The following CSGALNACT1 variants were observed in gnomAD, a reference collection of about 807,000 sequenced individuals.
CSGALNACT1 encodes chondroitin sulfate N-acetylgalactosaminyltransferase 1.
A neutral mutation model predicts 51.0 loss-of-function variants in CSGALNACT1; 52 were observed. The ratio of observed to expected loss-of-function variants is 1.02; its 90% CI spans 0.82 to 1.29. The LOEUF (loss-of-function observed/expected upper bound fraction) is 1.29, where lower values mean the gene tolerates loss of function less well. Ranked by LOEUF, CSGALNACT1 falls within the 50% of genes most tolerant of loss-of-function variation. The pLI, the probability that CSGALNACT1 is intolerant of heterozygous loss-of-function variation, is 0.00. For missense variants in CSGALNACT1, 935 were observed against 679.2 expected, an observed-to-expected ratio of 1.38 and a Z score of -4.19; for synonymous variants, 341 against 254.4, an observed-to-expected ratio of 1.34 and a Z score of -3.24.
intron 1 of CSGALNACT1, among the ~76,000 whole-genome samples, chr8:19,658,367 A>T (rs977583101): frequency 6.6e-6 from 1 of 152,206 alleles, no homozygotes; most frequent in African/African-American, 2.4e-5. Flanking sequence ...ATAATTTATT[A>T]TTTCACCAAC....
At chr8:19,677,410 C>T (rs1052246634) in intron 1 of CSGALNACT1, among the ~76,000 whole-genome samples, 6 of 152,186 alleles carry the variant, frequency 3.9e-5, no homozygotes, top group South Asian at 4.2e-4. Context: ...CATGCCCAGC[C>T]GCGAGTACAT....
rs117436025 is a variant in CSGALNACT1 at position 19,574,632 on chromosome 8, T to C, written c.-297+16528A>G. The stretch of plus-strand genomic sequence containing the variant: ...TGCCTGAGGTTCAGGAGTCCGACCC[T>C]GGCAGTGCCCTCCAGCCCTGTACAC... On this transcript the variant is annotated intron_variant, in intron 3 of 9. Transcript: ENST00000454498. Among the ~76,000 whole-genome samples, 85 of 152,264 alleles carry C rather than the reference T, an allele frequency of 5.6e-4. 1 individual carries two copies. In the East Asian group the frequency reaches 0.016, roughly 29 times the overall value.
At chr8:19,647,049 G>C (rs1045123576) in intron 1 of CSGALNACT1, among the ~76,000 whole-genome samples, 1 of 152,048 alleles carries the variant, frequency 6.6e-6, no homozygotes, top group Non-Finnish European at 1.5e-5. Context: ...TGTAAGCCTA[G>C]TGGTCCCCTA....
At chr8:19,662,074 AC>A (rs1159242984) in intron 1 of CSGALNACT1, among the ~76,000 whole-genome samples, 461 of 34,998 alleles carry the variant, frequency 0.013, 4 homozygotes, top group South Asian at 0.035. Flanking sequence ...ACCCCCCCCC[AC>A]CCCCCCCCCC....
At chr8:19,625,824 T>C (rs576239942) in intron 1 of CSGALNACT1, among the ~76,000 whole-genome samples, 91 of 152,300 alleles carry the variant, frequency 6.0e-4, no homozygotes, top group African/African-American at 1.8e-3. Context: ...AGCCAGTTAG[T>C]TTCCTGGGTA....
chr8:19,559,806 G>T (rs945863080), intron 3 of CSGALNACT1, among the ~76,000 whole-genome samples: 3 of 152,204 alleles, frequency 2.0e-5, no homozygotes, highest in Non-Finnish European at 2.9e-5. Flanking sequence ...TTGTAAAGAT[G>T]TTGGTTCTCT....
At chr8:19,515,753 CT>C (rs2079400450) in intron 3 of CSGALNACT1, among the ~76,000 whole-genome samples, 1 of 151,946 alleles carries the variant, frequency 6.6e-6, no homozygotes. Context: ...TGCTGGCAAA[CT>C]TTTAGAGAGG....
intron 4 of CSGALNACT1, among the ~76,000 whole-genome samples, chr8:19,501,941 C>G (rs945624192): frequency 6.6e-6 from 1 of 152,098 alleles, no homozygotes; most frequent in Non-Finnish European, 1.5e-5. Context: ...GAATCCAACA[C>G]AAAAATCAGT....
intron 3 of CSGALNACT1, among the ~76,000 whole-genome samples, chr8:19,519,784 T>C (rs369634957): frequency 5.3e-5 from 8 of 152,128 alleles, no homozygotes; most frequent in African/African-American, 1.2e-4. Flanking sequence ...TATGCTCCCT[T>C]CTCCCAGGGG....
At chr8:19,576,716 T>C (rs1337389701) in intron 3 of CSGALNACT1, among the ~76,000 whole-genome samples, 4 of 151,854 alleles carry the variant, frequency 2.6e-5, no homozygotes, top group Non-Finnish European at 5.9e-5. Context: ...TATGACAGCC[T>C]TTCTAACCCA....
chr8:19,583,223 T>C (rs1334561917), intron 3 of CSGALNACT1, among the ~76,000 whole-genome samples: 1 of 152,122 alleles, frequency 6.6e-6, no homozygotes, highest in East Asian at 1.9e-4. Context: ...AGACAAAAAG[T>C]AGAGTTCCAA....
intron 1 of CSGALNACT1, among the ~76,000 whole-genome samples, chr8:19,742,657 TG>T (rs1444588839): frequency 6.6e-6 from 1 of 152,226 alleles, no homozygotes; most frequent in African/African-American, 2.4e-5. Context: ...AATATGCCAA[TG>T]AAAAAATATC....
intron 4 of CSGALNACT1, among the ~76,000 whole-genome samples, chr8:19,459,975 A>G: frequency 6.6e-6 from 1 of 152,166 alleles, no homozygotes; most frequent in Admixed American, 6.5e-5. Flanking sequence ...TCTCAGAACA[A>G]GCCTCCCTAG....
intron 1 of CSGALNACT1, among the ~76,000 whole-genome samples, chr8:19,723,038 C>G (rs1303474151): frequency 1.3e-5 from 2 of 152,184 alleles, no homozygotes; most frequent in Non-Finnish European, 2.9e-5. Flanking sequence ...AAGATTCTCC[C>G]TTTTCAATCA....
At chr8:19,714,752 A>T (rs1179482220) in intron 1 of CSGALNACT1, among the ~76,000 whole-genome samples, 1 of 117,050 alleles carries the variant, frequency 8.5e-6, no homozygotes, top group Non-Finnish European at 1.9e-5. Flanking sequence ...GTCTCCTGGG[A>T]TATTTTTTTT....
At chr8:19,588,910 T>C (rs887951582) in intron 3 of CSGALNACT1, among the ~76,000 whole-genome samples, 5 of 152,132 alleles carry the variant, frequency 3.3e-5, no homozygotes, top group Admixed American at 6.5e-5. Context: ...GCCTGACACA[T>C]TACTCAATGC....
At chr8:19,441,735 A>C (rs891993172) in intron 5 of CSGALNACT1, among the ~76,000 whole-genome samples, 6 of 151,988 alleles carry the variant, frequency 3.9e-5, no homozygotes, top group African/African-American at 1.2e-4. Context: ...TAATTAAACT[A>C]AAGAGCTTCT....
intron 1 of CSGALNACT1, among the ~76,000 whole-genome samples, chr8:19,680,280 G>T (rs1421449134): frequency 6.6e-6 from 1 of 152,194 alleles, no homozygotes; most frequent in African/African-American, 2.4e-5. Context: ...TATAGGCCTG[G>T]AATGGTGGCT....
intron 1 of CSGALNACT1, among the ~76,000 whole-genome samples, chr8:19,756,416 C>G (rs1374861327): frequency 6.6e-6 from 1 of 152,214 alleles, no homozygotes; most frequent in African/African-American, 2.4e-5. Flanking sequence ...TTGGCAGGCA[C>G]AGTGCTGTTA....
Sources: allele counts gnomAD v4.1 joint callset (sites outside exome capture counted in the v4.1 genomes callset), GRCh38; gene constraint gnomAD v4.1.1; transcripts MANE v1.5; gene names NCBI Gene and HGNC (gene_info 2026-07-23, HGNC 2026-07-21).